Variants in PTCD3 observed in about 807,000 individuals in gnomAD.
The protein encoded by PTCD3 is small ribosomal subunit protein mS39.
In PTCD3, 89 loss-of-function variants were observed where a neutral mutation model predicts 101.9. The observed-to-expected ratio is 0.87, with a 90% confidence interval of 0.74 to 1.04. PTCD3 has a LOEUF of 1.04. Among genes scored for constraint, PTCD3 ranks in the 50% least tolerant of loss-of-function variants. PTCD3 has a pLI of 0.00. For synonymous variants in PTCD3, 296 were observed against 278.5 expected (o/e 1.06, Z -0.63); for missense variants, 870 against 828.2 (o/e 1.05, Z -0.62).
chr2:86,133,320 T>C (rs1573858658), intron 18 of PTCD3, 26 bp from the exon 19 acceptor site: 8 of 1,602,200 alleles, frequency 5.0e-6, no homozygotes, highest in Non-Finnish European at 6.8e-6. Flanking sequence ...AGATTAATGC[T>C]TTAAAAATGT....
chr2:86,118,842 A>G, intron 6 of PTCD3, 79 bp from the exon 7 acceptor site: 1 of 1,474,524 alleles, frequency 6.8e-7, no homozygotes, highest in Non-Finnish European at 9.2e-7. Flanking sequence ...TATGTTGGTG[A>G]TAAAAGTTTT....
intron 5 of PTCD3, among the ~76,000 whole-genome samples, 162 bp from the exon 6 acceptor site, chr2:86,116,893 A>G (rs1455447049): frequency 6.6e-6 from 1 of 152,208 alleles, no homozygotes; most frequent in Non-Finnish European, 1.5e-5. Flanking sequence ...CTGAAATTAT[A>G]TCACAGTAGA....
rs1052160799 is a variant in PTCD3 at position 86,134,870 on chromosome 2, A to C, written c.1661A>C (p.Asp554Ala). Reference protein sequence around the residue: ...LQVAFADCAADIKSAYESQPI... With the variant: ...LQVAFADCAAAIKSAYESQPI... ...GTGGCATTTGCTGACTGTGCTGCTG[A>C]TATCAAATCTGCGTATGAAAGCCAA... The change falls in exon 21 of 24, where the codon GAT becomes GCT. Residue 554 changes from aspartate to alanine, a missense_variant. Coordinates refer to ENST00000254630, the MANE Select transcript of PTCD3 (RefSeq NM_017952.6). 38 of 1,614,056 alleles carry C rather than the reference A, an allele frequency of 2.4e-5. No individual in the cohort carries two copies. The highest frequency in any genetic ancestry group is 4.5e-5 in the East Asian group (2 of 44,898).
chr2:86,110,477 G>A (rs1247340140), intron 3 of PTCD3, among the ~76,000 whole-genome samples: 1 of 152,298 alleles, frequency 6.6e-6, no homozygotes, highest in Non-Finnish European at 1.5e-5. Context: ...AAATATATTT[G>A]AGATCAAATT....
At position 86,114,761 on chromosome 2, in the gene PTCD3, G is replaced by A. The variant is rs78890809; in HGVS notation, c.241-1769G>A. On this transcript the variant is annotated intron_variant, in intron 4 of 23. Coordinates refer to ENST00000254630, the MANE Select transcript of PTCD3 (RefSeq NM_017952.6). The stretch of plus-strand genomic sequence containing the variant: ...AAAGATACGTGTGTGTGAGGTCTCC[G>A]TGACCACTCCCAGGCTAAGAGTTAT... Among the ~76,000 whole-genome samples, 20 of 152,252 alleles carry A rather than the reference G, an allele frequency of 1.3e-4. No individual in the cohort carries two copies. The East Asian group carries it at 2.7e-3, about 21-fold the overall frequency.
At chr2:86,114,433 G>A (rs1002578753) in intron 4 of PTCD3, among the ~76,000 whole-genome samples, 1 of 152,126 alleles carries the variant, frequency 6.6e-6, no homozygotes, top group East Asian at 1.9e-4. Context: ...GACTACAGGC[G>A]CCCCCACCCC....
rs758854865 is a variant in PTCD3, at chr2:86,108,512, T to C, written c.170T>C (p.Val57Ala). ...TTTTTTACATTAGGGATTGAAGAAG[T>C]AGTAATTCCAAAAAAGAAAACTTGG... The part of the protein sequence containing the change: ...EGTDVTGIEE[V>A]VIPKKKTWDK... Residue 57 changes from valine (V) to alanine (A), a missense_variant, in exon 3 of 24, where the codon GTA (valine) becomes GCA (alanine). By Grantham distance (64) the Val-to-Ala change is moderately conservative (BLOSUM62 0). Coordinates refer to ENST00000254630, the MANE Select transcript of PTCD3 (RefSeq NM_017952.6). The C allele has an allele frequency of 6.3e-7, 1 of 1,597,242 alleles. No homozygotes were observed. The highest frequency in any genetic ancestry group is 1.8e-5 in the Admixed American group (1 of 55,874).
chr2:86,119,160 G>C, intron 7 of PTCD3, 116 bp downstream of exon 7: 1 of 1,317,656 alleles, frequency 7.6e-7, no homozygotes, highest in Non-Finnish European at 1.1e-6. Flanking sequence ...ACTCTGCTTT[G>C]ATGGCTGCGT....
intron 14 of PTCD3, among the ~76,000 whole-genome samples, chr2:86,130,223 C>T (rs563087985): frequency 6.6e-6 from 1 of 152,260 alleles, no homozygotes; most frequent in South Asian, 2.1e-4. Context: ...TCGCTTGAAC[C>T]CGGGAGGCGG....
chr2:86,133,423 TA>T lies in PTCD3; in HGVS notation c.1534del (p.Ile512PhefsTer16), dbSNP rs752956782. The T allele has an allele frequency of 6.2e-7, 1 of 1,613,538 alleles. No homozygotes were observed. The highest frequency in any genetic ancestry group is 8.5e-7 in the Non-Finnish European group (1 of 1,179,432). ...TGGCCAATCGGCTAGAAGTGATTCCTAAAATTTGGAAAGGTCAGTTTTACTT... is the reference window on the plus strand; with the variant it reads ...TGGCCAATCGGCTAGAAGTGATTCCTAAATTTGGAAAGGTCAGTTTTACTT... The part of the protein sequence containing the change: ...DVANRLEVIP[K>X]IWKDSKEYGH... On this transcript the variant is annotated frameshift_variant, in exon 19 of 24. Transcript: ENST00000254630. LOFTEE classifies it high-confidence loss of function.
chr2:86,127,368 A>G lies in PTCD3; in HGVS notation c.1096+63A>G, dbSNP rs1278242677. 2.7e-6 allele frequency: 4 copies of G among 1,506,206 alleles called. No individual in the cohort carries two copies. The Admixed American group carries it at 6.7e-5, about 25-fold the overall frequency. 93.3% of individuals were successfully genotyped at this position (1,506,206 alleles called of 1,614,324 possible). On this transcript the variant is annotated intron_variant, in intron 13 of 23. Coordinates refer to ENST00000254630, the MANE Select transcript of PTCD3 (RefSeq NM_017952.6). The stretch of plus-strand genomic sequence containing the variant: ...TGTGCCAGCCAGAGGTTTCAGGGCT[A>G]CATAAGCAAAGAGCTTTAAATTATT...
rs763736688 is a variant in PTCD3, at chr2:86,113,804, C to T, written c.240+2646C>T. Among the ~76,000 whole-genome samples the T allele has an allele frequency of 1.2e-4, 18 of 151,958 alleles. 1 individual carries two copies. Among genetic ancestry groups the T allele is most frequent in the Admixed American group, 9.2e-4 (14 of 15,248 alleles). ...CCACAGAGTGAGACCCTGTCCCCCC[C>T]GCCACACACAAAAAAATTAAATATA... is the stretch of plus-strand genomic sequence containing the variant. On this transcript the variant is annotated intron_variant, in intron 4 of 23. Coordinates refer to ENST00000254630, the MANE Select transcript of PTCD3 (RefSeq NM_017952.6).
At chr2:86,130,962 T>A in intron 15 of PTCD3, 116 bp from the exon 16 acceptor site, 5 of 1,400,340 alleles carry the variant, frequency 3.6e-6, no homozygotes, top group Non-Finnish European at 4.8e-6. Context: ...GTTTTTATGT[T>A]CTTAGCTTTA....
At chr2:86,117,278 T>A (rs1674193293) in intron 6 of PTCD3, 119 bp downstream of exon 6, 2 of 526,292 alleles carry the variant, frequency 3.8e-6, no homozygotes, top group Non-Finnish European at 6.9e-6. Flanking sequence ...ATGATAAGCC[T>A]TTTAAAGTGT....
chr2:86,134,774 A>G (rs1406275045), intron 20 of PTCD3, 65 bp from the exon 21 acceptor site: 3 of 1,551,144 alleles, frequency 1.9e-6, no homozygotes, highest in Non-Finnish European at 8.9e-7. Flanking sequence ...ATCCTGTGTT[A>G]GTCTCCTGAA....
At chr2:86,116,062 AT>A (rs1674170977) in intron 4 of PTCD3, among the ~76,000 whole-genome samples, 1 of 152,208 alleles carries the variant, frequency 6.6e-6, no homozygotes, top group South Asian at 2.1e-4. Flanking sequence ...GCCTTGCATA[AT>A]TAAAGGCAAG....
chr2:86,121,650 T>C, intron 8 of PTCD3, 56 bp downstream of exon 8: 1 of 1,175,196 alleles, frequency 8.5e-7, no homozygotes, highest in South Asian at 1.4e-5. Context: ...TTGAAGAAAT[T>C]GCTTTTAAAA....
At position 86,133,510 on chromosome 2, in the gene PTCD3, A is replaced by G. The variant is rs546121319; in HGVS notation, c.1543+74A>G. On this transcript the variant is annotated intron_variant, in intron 19 of 23. Coordinates refer to ENST00000254630, the MANE Select transcript of PTCD3 (RefSeq NM_017952.6). Reference sequence around the variant, plus strand: ...CTACTTTGATAATGAATGTGCTAACATTACTGTTAGGGATGAAAACTTCCA... The same window carrying G: ...CTACTTTGATAATGAATGTGCTAACGTTACTGTTAGGGATGAAAACTTCCA... The G allele has an allele frequency of 8.4e-5, 117 of 1,385,640 alleles. No homozygotes were observed. In the African/African-American group the frequency reaches 1.4e-3, roughly 17 times the overall value. The allele number at this position is 1,385,640 out of a possible 1,614,324, so 85.8% of individuals were successfully genotyped here.
At chr2:86,134,179 TAGAATAAATAACAGCAA>T (rs1334169791) in intron 19 of PTCD3, 96 bp from the exon 20 acceptor site, 1 of 745,382 alleles carries the variant, frequency 1.3e-6, no homozygotes, top group Non-Finnish European at 2.2e-6. Flanking sequence ...GGGATAAGCC[TAGAATAAATAACAGCAA>T]CTTATTTTTA....
Sources: gnomAD v4.1 joint callset for allele counts (sites outside exome capture counted in the v4.1 genomes callset) on GRCh38, gnomAD v4.1.1 for gene constraint, MANE v1.5 for transcripts, NCBI Gene and HGNC (gene_info 2026-07-23, HGNC 2026-07-21) for gene names.